ARMH4: variants seen among roughly 807,000 people sequenced by gnomAD.
The protein encoded by ARMH4 is armadillo-like helical domain-containing protein 4.
Under a neutral mutation model 61.9 loss-of-function variants are expected in ARMH4, and 49 were observed. That is an observed-to-expected ratio of 0.79 (90% CI 0.63 to 1.00). The LOEUF (loss-of-function observed/expected upper bound fraction) is 1.00, where lower values mean the gene tolerates loss of function less well. Ranked by LOEUF, ARMH4 falls within the 50% of genes least tolerant of loss-of-function variation. The pLI is 0.00. For missense variants in ARMH4, 934 were observed against 930.0 expected, an observed-to-expected ratio of 1.00 and a Z score of -0.06; for synonymous variants, 368 against 341.5, an observed-to-expected ratio of 1.08 and a Z score of -0.85.
At chr14:58,043,608 A>C (rs1223720567) in intron 5 of ARMH4, among the ~76,000 whole-genome samples, 2 of 152,194 alleles carry the variant, frequency 1.3e-5, no homozygotes, top group African/African-American at 2.4e-5. Flanking sequence ...TGGCCAGGGC[A>C]ATTAGGCAGG....
intron 6 of ARMH4, among the ~76,000 whole-genome samples, chr14:58,010,498 A>T (rs1882368280): frequency 6.6e-6 from 1 of 152,156 alleles, no homozygotes; most frequent in Non-Finnish European, 1.5e-5. Context: ...TCACTATTGG[A>T]ATTCAAAATT....
At position 58,133,117 on chromosome 14, in the gene ARMH4, A is replaced by G; in HGVS notation, c.1594T>C (p.Ser532Pro). The G allele has an allele frequency of 6.2e-7, 1 of 1,614,192 alleles. No individual in the cohort carries two copies. The highest frequency in any genetic ancestry group is 1.1e-5 in the South Asian group (1 of 91,086). The stretch of plus-strand genomic sequence containing the variant: ...TCCACAGTGGGAGTAACTTCAAAAG[A>G]CAAAGGGACGACTGTAGTTGAAATT... ...TTISTTVVPLSFEVTPTVEEQ... is the reference protein window; with the variant it reads ...TTISTTVVPLPFEVTPTVEEQ... Residue 532 changes from serine to proline, a missense_variant, in exon 3 of 8, where the codon TCT (serine) becomes CCT (proline). Transcript: ENST00000267485.
At chr14:58,129,205 A>G (rs750202743) in intron 4 of ARMH4, among the ~76,000 whole-genome samples, 1 of 152,248 alleles carries the variant, frequency 6.6e-6, no homozygotes, top group East Asian at 1.9e-4. Context: ...AGAAGCAGGG[A>G]AGAAGACAGG....
rs762181777 is a variant in ARMH4, at chr14:58,141,339, C to G, written c.-56-1925G>C. The stretch of plus-strand genomic sequence containing the variant: ...CCATCACCCTTGAGGTCAAGCCCAC[C>G]GACACCATTTAGAATGTCAAAACCA... On this transcript the variant is annotated intron_variant, in intron 1 of 7. Coordinates refer to ENST00000267485, the MANE Select transcript of ARMH4 (RefSeq NM_001001872.4). The G allele has an allele frequency of 9.8e-5, 48 of 488,552 alleles. No homozygotes were observed. The Middle Eastern group carries it at 2.5e-3, about 25-fold the overall frequency. The allele number at this position is 488,552 out of a possible 1,614,324, so 30.3% of individuals were successfully genotyped here.
chr14:58,098,505 G>C (rs1178385138), intron 4 of ARMH4, among the ~76,000 whole-genome samples: 3 of 152,178 alleles, frequency 2.0e-5, no homozygotes, highest in African/African-American at 7.2e-5. Context: ...AAAACGCCAG[G>C]CACTGCTATT....
chr14:58,133,347 AG>A lies in ARMH4; in HGVS notation c.1370-7del, dbSNP rs1327873554. The A allele has an allele frequency of 6.2e-7, 1 of 1,607,088 alleles. No homozygotes were observed. The highest frequency in any genetic ancestry group is 1.3e-5 in the African/African-American group (1 of 74,404). ...CATCTCTTGAGTGATGATGTCTTAA[AG>A]GGGGGAAAACATTTAAAAATAGACC... On this transcript the variant is annotated splice_polypyrimidine_tract_variant and splice_region_variant and intron_variant, in intron 2 of 7. Coordinates refer to ENST00000267485, the MANE Select transcript of ARMH4 (RefSeq NM_001001872.4).
chr14:58,098,896 G>A (rs1885853713), intron 4 of ARMH4, among the ~76,000 whole-genome samples: 1 of 151,990 alleles, frequency 6.6e-6, no homozygotes, highest in Admixed American at 6.6e-5. Context: ...ATCAAAGCAA[G>A]AGATGAAAAA....
intron 4 of ARMH4, among the ~76,000 whole-genome samples, chr14:58,122,460 T>C (rs1311965522): frequency 6.6e-6 from 1 of 152,030 alleles, no homozygotes; most frequent in African/African-American, 2.4e-5. Flanking sequence ...GGCCAACTAA[T>C]CTTAAAGGAT....
chr14:58,128,964 C>T (rs1412886229), intron 4 of ARMH4, among the ~76,000 whole-genome samples: 1 of 152,176 alleles, frequency 6.6e-6, no homozygotes, highest in Non-Finnish European at 1.5e-5. Context: ...ACACAGACGG[C>T]CATGTGAATA....
rs990130521 is a variant in ARMH4, at chr14:58,141,384, T to C, written c.-56-1970A>G. The C allele has an allele frequency of 1.2e-5, 6 of 521,738 alleles. No homozygotes were observed. The African/African-American group carries it at 1.2e-4, about 10-fold the overall frequency. 32.3% of individuals were successfully genotyped at this position (521,738 alleles called of 1,614,324 possible). A position where few individuals can be genotyped will look rare whatever the true frequency, so the allele number is the denominator to read the frequency against. On this transcript the variant is annotated intron_variant, in intron 1 of 7. Coordinates refer to ENST00000267485, the MANE Select transcript of ARMH4 (RefSeq NM_001001872.4). ...AAACCAAAATTCAGGACAAGGAGGG[T>C]ATCCCACCTGACCAGCAGCGTCTGA... is the stretch of plus-strand genomic sequence containing the variant.
intron 5 of ARMH4, among the ~76,000 whole-genome samples, chr14:58,022,021 T>C (rs1293296858): frequency 6.6e-6 from 1 of 152,104 alleles, no homozygotes; most frequent in African/African-American, 2.4e-5. Context: ...GCAACACACA[T>C]TTGTTATCTT....
intron 4 of ARMH4, chr14:58,101,626 T>C (rs1885979745): frequency 6.6e-6 from 1 of 151,782 alleles, no homozygotes; most frequent in African/African-American, 2.4e-5. Context: ...ATGACATTTC[T>C]AAAATTACTT....
chr14:58,087,816 G>A (rs987133337), intron 5 of ARMH4, among the ~76,000 whole-genome samples: 5 of 152,184 alleles, frequency 3.3e-5, no homozygotes, highest in Non-Finnish European at 7.3e-5. Flanking sequence ...AGTGTCTCAT[G>A]TTAAAGGAAA....
At chr14:58,017,521 A>G (rs1168080206) in intron 5 of ARMH4, among the ~76,000 whole-genome samples, 1 of 152,026 alleles carries the variant, frequency 6.6e-6, no homozygotes, top group Admixed American at 6.6e-5. Flanking sequence ...AATCAAGAAA[A>G]CAATTCCATT....
intron 5 of ARMH4, among the ~76,000 whole-genome samples, chr14:58,044,953 C>T (rs1194708996): frequency 6.6e-6 from 1 of 152,116 alleles, no homozygotes; most frequent in Non-Finnish European, 1.5e-5. Flanking sequence ...ATTAAAAAGC[C>T]AGGAAACAAC....
rs961422695 is a variant in ARMH4 at position 58,132,351 on chromosome 14, G to C, written c.1622-630C>G. Among the ~76,000 whole-genome samples, 3 of 152,276 alleles carry C rather than the reference G, an allele frequency of 2.0e-5. No homozygotes were observed. In the South Asian group the frequency reaches 6.2e-4, roughly 32 times the overall value. On this transcript the variant is annotated intron_variant, in intron 3 of 7. Coordinates refer to ENST00000267485, the MANE Select transcript of ARMH4 (RefSeq NM_001001872.4). The stretch of plus-strand genomic sequence containing the variant: ...CTATAAAACAGATAGGCATTATTTA[G>C]AGGTGAACAAACCAAAGCTTACAGA...
At chr14:58,053,344 T>C (rs1368408443) in intron 5 of ARMH4, among the ~76,000 whole-genome samples, 1 of 152,170 alleles carries the variant, frequency 6.6e-6, no homozygotes, top group Non-Finnish European at 1.5e-5. Flanking sequence ...CAGCATAAAA[T>C]CCCAAACCCT....
chr14:58,060,561 C>T (rs1227003411), intron 5 of ARMH4, among the ~76,000 whole-genome samples: 6 of 152,152 alleles, frequency 3.9e-5, no homozygotes, highest in Non-Finnish European at 8.8e-5. Flanking sequence ...CCAGATACTG[C>T]CAACCAAGAA....
At chr14:58,124,020 C>T (rs139164520) in intron 4 of ARMH4, among the ~76,000 whole-genome samples, 20 of 151,732 alleles carry the variant, frequency 1.3e-4, no homozygotes, top group Admixed American at 3.9e-4. Context: ...TGGTGAGGAA[C>T]GTATCCAGCC....
Sources: allele counts gnomAD v4.1 joint callset (sites outside exome capture counted in the v4.1 genomes callset), GRCh38; gene constraint gnomAD v4.1.1; transcripts MANE v1.5; gene names NCBI Gene and HGNC (gene_info 2026-07-23, HGNC 2026-07-21).